The following ITFG1 variants were observed in gnomAD, a reference collection of about 807,000 sequenced individuals.
ITFG1 encodes T-cell immunomodulatory protein.
ITFG1 carries 34 observed loss-of-function variants against 81.8 expected under a neutral mutation model. That is an observed-to-expected ratio of 0.42 (90% confidence interval 0.32 to 0.55). The LOEUF (loss-of-function observed/expected upper bound fraction) is 0.55. Ranked by LOEUF, ITFG1 falls within the 20% of genes least tolerant of loss-of-function variation. The pLI is 0.17. For synonymous variants in ITFG1, 285 were observed against 270.6 expected (o/e 1.05, Z -0.52); for missense variants, 672 against 755.4 (o/e 0.89, Z 1.29).
intron 14 of ITFG1, among the ~76,000 whole-genome samples, chr16:47,196,879 G>A (rs1331273727): frequency 6.6e-6 from 1 of 152,050 alleles, no homozygotes; most frequent in African/African-American, 2.4e-5. Flanking sequence ...GCAGTGAGCC[G>A]AGATTGTGCC....
chr16:47,161,850 G>C lies in ITFG1; in HGVS notation c.1579-18C>G, dbSNP rs966145502. The C allele has an allele frequency of 1.4e-6, 2 of 1,419,902 alleles. No individual in the cohort carries two copies. Among genetic ancestry groups the C allele is most frequent in the Admixed American group, 1.7e-5 (1 of 59,694 alleles). The allele number at this position is 1,419,902 out of a possible 1,614,324, so 88.0% of individuals were successfully genotyped here. A position where few individuals can be genotyped will look rare whatever the true frequency, so the allele number is the denominator to read the frequency against. Reference sequence around the variant, plus strand: ...CGTATAGACTGGAAGAAGAATTTAAGAACATTTAACATTCAGCACATTTAA... The same window carrying C: ...CGTATAGACTGGAAGAAGAATTTAACAACATTTAACATTCAGCACATTTAA... On this transcript the variant is annotated intron_variant, in intron 15 of 17. Coordinates refer to ENST00000320640, the MANE Select transcript of ITFG1 (RefSeq NM_030790.5).
intron 13 of ITFG1, among the ~76,000 whole-genome samples, chr16:47,231,057 A>G (rs1965812270): frequency 6.6e-6 from 1 of 152,180 alleles, no homozygotes; most frequent in South Asian, 2.1e-4. Context: ...CCAAATGACA[A>G]ATTATTAAGC....
intron 5 of ITFG1, among the ~76,000 whole-genome samples, chr16:47,442,687 T>C (rs1352360767): frequency 6.6e-6 from 1 of 152,194 alleles, no homozygotes. Context: ...CTGGGAAAAC[T>C]GGCTAGCCAT....
chr16:47,308,183 G>A (rs1328577102), intron 10 of ITFG1, among the ~76,000 whole-genome samples: 1 of 152,130 alleles, frequency 6.6e-6, no homozygotes, highest in Non-Finnish European at 1.5e-5. Flanking sequence ...TTGCTGGGTC[G>A]AATGGCAGTT....
intron 10 of ITFG1, among the ~76,000 whole-genome samples, chr16:47,305,010 C>T (rs2151561399): frequency 6.6e-6 from 1 of 152,226 alleles, no homozygotes; most frequent in East Asian, 1.9e-4. Flanking sequence ...GCTTACTTTA[C>T]TTTATCACAG....
chr16:47,426,151 AT>A (rs1340179844), intron 6 of ITFG1: 1 of 152,120 alleles, frequency 6.6e-6, no homozygotes, highest in Non-Finnish European at 1.5e-5. Context: ...ATGTAGGGCC[AT>A]TCCAGTGGTA....
chr16:47,434,441 G>GA (rs920498016), intron 5 of ITFG1, among the ~76,000 whole-genome samples: 4 of 149,878 alleles, frequency 2.7e-5, no homozygotes, highest in South Asian at 4.2e-4. Flanking sequence ...CAAAAAACAC[G>GA]AAAAAAAAGC....
intron 6 of ITFG1, among the ~76,000 whole-genome samples, chr16:47,422,230 C>T (rs1305991984): frequency 1.3e-5 from 2 of 152,158 alleles, no homozygotes; most frequent in African/African-American, 4.8e-5. Flanking sequence ...ATTTCTAGTT[C>T]TAGATCCTTG....
chr16:47,214,611 A>G (rs1319080398), intron 14 of ITFG1, among the ~76,000 whole-genome samples: 1 of 152,202 alleles, frequency 6.6e-6, no homozygotes, highest in Non-Finnish European at 1.5e-5. Context: ...AAAGTTCATA[A>G]TAAATGTACT....
intron 8 of ITFG1, among the ~76,000 whole-genome samples, chr16:47,338,160 A>C (rs1370840920): frequency 6.6e-6 from 1 of 152,242 alleles, no homozygotes; most frequent in African/African-American, 2.4e-5. Flanking sequence ...CTGTAATCCC[A>C]GCACTTTGGG....
chr16:47,400,407 T>G (rs1359558107), intron 6 of ITFG1, among the ~76,000 whole-genome samples: 2 of 151,232 alleles, frequency 1.3e-5, no homozygotes, highest in Non-Finnish European at 2.9e-5. Context: ...ACACCAGCAT[T>G]GTGTCAGGAC....
chr16:47,181,564 GC>G (rs1298171452), intron 14 of ITFG1, among the ~76,000 whole-genome samples: 1 of 135,252 alleles, frequency 7.4e-6, no homozygotes, highest in African/African-American at 2.8e-5. Context: ...GGGGGGGTCA[GC>G]CCCCCCGCCC....
intron 15 of ITFG1, among the ~76,000 whole-genome samples, chr16:47,162,112 T>C (rs2151506655): frequency 6.6e-6 from 1 of 152,250 alleles, no homozygotes; most frequent in African/African-American, 2.4e-5. Context: ...CAAAGGGCTA[T>C]GTACAAATGC....
intron 8 of ITFG1, among the ~76,000 whole-genome samples, chr16:47,327,871 G>A (rs1192861953): frequency 6.6e-6 from 1 of 152,200 alleles, no homozygotes; most frequent in Non-Finnish European, 1.5e-5. Flanking sequence ...TTACACTGTT[G>A]GTGGGACTGT....
At chr16:47,325,898 A>G (rs976721207) in intron 8 of ITFG1, among the ~76,000 whole-genome samples, 5 of 152,190 alleles carry the variant, frequency 3.3e-5, no homozygotes, top group African/African-American at 9.7e-5. Flanking sequence ...CTGAGGTACA[A>G]GGAGGAGCTG....
intron 1 of ITFG1, 126 bp from the exon 2 acceptor site, chr16:47,459,301 C>A: frequency 1.5e-6 from 1 of 646,880 alleles, no homozygotes; most frequent in Non-Finnish European, 2.8e-6. Context: ...AGTTCATCTG[C>A]CCTCTCAAGC....
intron 13 of ITFG1, among the ~76,000 whole-genome samples, chr16:47,232,909 G>C (rs1243616318): frequency 6.6e-6 from 1 of 151,996 alleles, no homozygotes; most frequent in Non-Finnish European, 1.5e-5. Context: ...CCAAAGTGCT[G>C]GGGTTACAAG....
chr16:47,312,210 T>G (rs368690230), intron 9 of ITFG1: 5 of 152,226 alleles, frequency 3.3e-5, no homozygotes, highest in East Asian at 1.9e-4. Context: ...ATTAAAGTTA[T>G]AGTTGTGCCC....
intron 10 of ITFG1, among the ~76,000 whole-genome samples, chr16:47,297,597 C>G (rs1967002212): frequency 6.7e-6 from 1 of 149,992 alleles, no homozygotes; most frequent in Non-Finnish European, 1.5e-5. Flanking sequence ...CAAGCTTACT[C>G]TACCAGGATA....
Sources: gnomAD v4.1 joint callset for allele counts (sites outside exome capture counted in the v4.1 genomes callset) on GRCh38, gnomAD v4.1.1 for gene constraint, MANE v1.5 for transcripts, NCBI Gene and HGNC (gene_info 2026-07-23, HGNC 2026-07-21) for gene names.